The following GULP1 variants were observed in gnomAD, a reference collection of about 807,000 sequenced individuals.
The protein encoded by GULP1 is GULP PTB domain containing engulfment adaptor 1.
GULP1 carries 19 observed loss-of-function variants against 40.9 expected under a neutral mutation model. That is an observed-to-expected ratio of 0.46 (90% CI 0.32 to 0.68). The LOEUF is 0.68. Ranked by LOEUF, GULP1 falls within the 30% of genes least tolerant of loss-of-function variation. The pLI, the probability that GULP1 is intolerant of heterozygous loss-of-function variation, is 0.03. For synonymous variants in GULP1, 119 were observed against 117.6 expected (o/e 1.01, Z -0.08); for missense variants, 312 against 362.2 (o/e 0.86, Z 1.12).
At chr2:188,300,801 A>C (rs1397681861) in intron 1 of GULP1, among the ~76,000 whole-genome samples, 1 of 152,216 alleles carries the variant, frequency 6.6e-6, no homozygotes, top group Non-Finnish European at 1.5e-5. Context: ...TCAGTTTAGT[A>C]GGTCTGGACC....
Position 188,387,009 on chromosome 2 carries a change from G to A in GULP1, c.-45+3120G>A, listed in dbSNP as rs143231284. 5.3e-5 allele frequency among the ~76,000 whole-genome samples: 8 copies of A among 152,174 alleles called. No homozygotes were observed. In the East Asian group the frequency reaches 1.2e-3, roughly 22 times the overall value. On this transcript the variant is annotated intron_variant, in intron 2 of 11. Transcript: ENST00000409830. ...TCCTGCACTTTGGGAGGCCAAGTCG[G>A]TGGATTAACTGAGGTCAGGAGGTCA...
chr2:188,300,367 AAAT>A (rs1030440265), intron 1 of GULP1, among the ~76,000 whole-genome samples: 35 of 152,312 alleles, frequency 2.3e-4, no homozygotes, highest in Admixed American at 5.9e-4. Context: ...AATATTGAAA[AAAT>A]AATTTTTTTC....
chr2:188,478,141 A>G (rs1469140043), intron 3 of GULP1, among the ~76,000 whole-genome samples: 1 of 152,072 alleles, frequency 6.6e-6, no homozygotes, highest in Non-Finnish European at 1.5e-5. Flanking sequence ...TTCATGTATC[A>G]TTGAACAATA....
intron 1 of GULP1, among the ~76,000 whole-genome samples, chr2:188,345,398 CTA>C (rs1274535028): frequency 2.0e-5 from 3 of 152,094 alleles, no homozygotes; most frequent in Non-Finnish European, 4.4e-5. Context: ...TCACAGGAGA[CTA>C]TGAGAGGCAG....
intron 4 of GULP1, among the ~76,000 whole-genome samples, chr2:188,510,293 A>G (rs1270482535): frequency 6.6e-6 from 1 of 152,160 alleles, no homozygotes; most frequent in African/African-American, 2.4e-5. Context: ...ATGAAAATTA[A>G]GAATGAAATA....
chr2:188,561,137 A>C (rs1416145658), intron 7 of GULP1, among the ~76,000 whole-genome samples: 4 of 152,142 alleles, frequency 2.6e-5, no homozygotes, highest in African/African-American at 9.7e-5. Flanking sequence ...GACGTTAAGC[A>C]TGTCACTGTT....
chr2:188,319,110 T>G (rs113868751), intron 1 of GULP1, among the ~76,000 whole-genome samples: 3 of 152,334 alleles, frequency 2.0e-5, no homozygotes, highest in Non-Finnish European at 4.4e-5. Context: ...GCTGTTATTG[T>G]AACTGTTGAA....
At position 188,529,201 on chromosome 2, in the gene GULP1, G is replaced by C. The variant is rs773544452; in HGVS notation, c.261+6G>C. ...TTCTAGAACCCAAAACAAAGGTAAG[G>C]CTTTTTTTTTAATGTTAGAGGCAAT... On this transcript the variant is annotated splice_donor_region_variant and intron_variant, in intron 6 of 11. Coordinates refer to ENST00000409830, the MANE Select transcript of GULP1 (RefSeq NM_016315.4). 7.6e-7 allele frequency: 1 copy of C among 1,318,118 alleles called. No homozygotes were observed. Among genetic ancestry groups the C allele is most frequent in the South Asian group, 1.3e-5 (1 of 78,540 alleles). 81.7% of individuals were successfully genotyped at this position (1,318,118 alleles called of 1,614,324 possible).
At chr2:188,349,916 A>G (rs564923893) in intron 1 of GULP1, among the ~76,000 whole-genome samples, 1 of 152,058 alleles carries the variant, frequency 6.6e-6, no homozygotes, top group South Asian at 2.1e-4. Flanking sequence ...CAACTTCATT[A>G]TTTTACATCT....
intron 6 of GULP1, among the ~76,000 whole-genome samples, chr2:188,540,964 C>T (rs1320947882): frequency 1.3e-5 from 2 of 152,128 alleles, no homozygotes; most frequent in Non-Finnish European, 2.9e-5. Context: ...TTTTGCTCAG[C>T]ACTACTGAAA....
At chr2:188,525,642 C>T (rs1297802492) in intron 5 of GULP1, among the ~76,000 whole-genome samples, 1 of 152,082 alleles carries the variant, frequency 6.6e-6, no homozygotes, top group Non-Finnish European at 1.5e-5. Context: ...ATCAATTTCC[C>T]TGGGAGATAC....
rs13431702 is a variant in GULP1 at position 188,356,980 on chromosome 2, T to C, written c.-171-26783T>C. Among the ~76,000 whole-genome samples the C allele has an allele frequency of 5.2e-3, 797 of 152,212 alleles. 6 individuals carry two copies. Among genetic ancestry groups the C allele is most frequent in the African/African-American group, 0.018 (766 of 41,546 alleles). ...TAGAAGTGACAGTCTCTTCAATAAA[T>C]CATGCTGGGAAAACAGGATATCCAC... On this transcript the variant is annotated intron_variant, in intron 1 of 11. Transcript: ENST00000409830.
At chr2:188,400,771 A>G (rs1455065667) in intron 2 of GULP1, among the ~76,000 whole-genome samples, 1 of 152,166 alleles carries the variant, frequency 6.6e-6, no homozygotes, top group African/African-American at 2.4e-5. Context: ...AATAAATTCA[A>G]TTCTGGTATG....
At chr2:188,474,660 C>T (rs1414556820) in intron 2 of GULP1, among the ~76,000 whole-genome samples, 1 of 152,118 alleles carries the variant, frequency 6.6e-6, no homozygotes, top group Non-Finnish European at 1.5e-5. Flanking sequence ...TTCAGTGATA[C>T]TGAGTTAAAA....
At chr2:188,300,043 AT>A (rs2035853221) in intron 1 of GULP1, among the ~76,000 whole-genome samples, 2 of 152,176 alleles carry the variant, frequency 1.3e-5, no homozygotes, top group African/African-American at 2.4e-5. Context: ...TAGCTGAATA[AT>A]TTTAGCTGGA....
intron 2 of GULP1, among the ~76,000 whole-genome samples, chr2:188,421,195 T>C (rs2055355894): frequency 6.6e-6 from 1 of 152,130 alleles, no homozygotes; most frequent in Non-Finnish European, 1.5e-5. Flanking sequence ...AATAAACAAA[T>C]TCAGTAAAGA....
chr2:188,544,338 A>C (rs1256980074), intron 7 of GULP1, among the ~76,000 whole-genome samples: 1 of 152,074 alleles, frequency 6.6e-6, no homozygotes, highest in South Asian at 2.1e-4. Flanking sequence ...GAGCAGTTAC[A>C]AACACACATG....
chr2:188,484,054 G>C (rs186607600), intron 4 of GULP1, among the ~76,000 whole-genome samples: 1 of 152,160 alleles, frequency 6.6e-6, no homozygotes, highest in Non-Finnish European at 1.5e-5. Flanking sequence ...CTCTGGAGTA[G>C]CTGGAATTAC....
At position 188,444,374 on chromosome 2, in the gene GULP1, A is replaced by G. The variant is rs115210596; in HGVS notation, c.-44-33285A>G. Among the ~76,000 whole-genome samples, 982 of 152,356 alleles carry G rather than the reference A, an allele frequency of 6.4e-3. 5 individuals are homozygous for G. Among genetic ancestry groups the G allele is most frequent in the Non-Finnish European group, 9.9e-3 (676 of 68,036 alleles). Reference sequence around the variant, plus strand: ...AAATGTTGAAAACATCATGGTGCACATGATAAATATGTACAATTTCATCTG... The same window carrying G: ...AAATGTTGAAAACATCATGGTGCACGTGATAAATATGTACAATTTCATCTG... On this transcript the variant is annotated intron_variant, in intron 2 of 11. Coordinates refer to ENST00000409830, the MANE Select transcript of GULP1 (RefSeq NM_016315.4).
Sources: gnomAD v4.1 joint callset for allele counts (sites outside exome capture counted in the v4.1 genomes callset) on GRCh38, gnomAD v4.1.1 for gene constraint, MANE v1.5 for transcripts, NCBI Gene and HGNC (gene_info 2026-07-23, HGNC 2026-07-21) for gene names.